Variants in PDE1C observed in about 807,000 individuals in gnomAD.
The protein encoded by PDE1C is phosphodiesterase 1C, also known as dual specificity calcium/calmodulin-dependent 3',5'-cyclic nucleotide phosphodiesterase 1C.
Under a neutral mutation model 93.1 loss-of-function variants are expected in PDE1C, and 62 were observed. The ratio of observed to expected loss-of-function variants is 0.67; its 90% CI spans 0.54 to 0.82. PDE1C has a LOEUF of 0.82. PDE1C is among the 40% of genes least tolerant of loss of function. The pLI, the probability that PDE1C is intolerant of heterozygous loss-of-function variation, is 0.00. For synonymous variants in PDE1C, 325 were observed against 310.1 expected, an observed-to-expected ratio of 1.05 and a Z score of -0.50; for missense variants, 742 against 884.6, an observed-to-expected ratio of 0.84 and a Z score of 2.04.
intron 6 of PDE1C, among the ~76,000 whole-genome samples, chr7:31,871,106 A>C (rs1795895040): frequency 6.6e-6 from 1 of 151,896 alleles, no homozygotes; most frequent in Non-Finnish European, 1.5e-5. Flanking sequence ...ATTTTTGACA[A>C]AGGCACCAAA....
chr7:31,865,703 A>G (rs1238344372), intron 6 of PDE1C, among the ~76,000 whole-genome samples: 1 of 152,238 alleles, frequency 6.6e-6, no homozygotes, highest in Admixed American at 6.5e-5. Context: ...TATATAACAG[A>G]CTATCGCATT....
chr7:32,027,475 G>A (rs1789596030), intron 2 of PDE1C, among the ~76,000 whole-genome samples: 1 of 151,222 alleles, frequency 6.6e-6, no homozygotes, highest in African/African-American at 2.4e-5. Flanking sequence ...TAGATACCAA[G>A]TTATAGCATT....
At chr7:32,317,908 T>G (rs529249688) in intron 1 of PDE1C, among the ~76,000 whole-genome samples, 6 of 152,258 alleles carry the variant, frequency 3.9e-5, no homozygotes, top group African/African-American at 1.4e-4. Context: ...TTTTTGCCCT[T>G]TATTCATTTT....
At chr7:31,977,974 G>A (rs1213358845) in intron 2 of PDE1C, among the ~76,000 whole-genome samples, 2 of 152,094 alleles carry the variant, frequency 1.3e-5, no homozygotes, top group Non-Finnish European at 2.9e-5. Flanking sequence ...AGAACTCAAT[G>A]AGGTAGAACT....
intron 2 of PDE1C, among the ~76,000 whole-genome samples, chr7:31,926,792 G>A (rs139600054): frequency 1.2e-3 from 185 of 151,552 alleles, no homozygotes; most frequent in African/African-American, 4.3e-3. Flanking sequence ...CTTTTGCAAC[G>A]GCAGACCAGG....
intron 1 of PDE1C, among the ~76,000 whole-genome samples, chr7:32,056,311 G>A (rs1794062545): frequency 8.0e-6 from 1 of 124,664 alleles, no homozygotes; most frequent in Non-Finnish European, 1.6e-5. Flanking sequence ...CCCTGGAATG[G>A]GTCCACCGTT....
At chr7:31,833,052 G>T (rs7793287) in intron 11 of PDE1C, among the ~76,000 whole-genome samples, 108,771 of 152,010 alleles carry the variant, frequency 0.72, 39,142 homozygotes, top group East Asian at 0.76. Flanking sequence ...AAGGGAGCCC[G>T]TGGGAGATAA....
chr7:31,744,622 A>G, the PDE1C span, among the ~76,000 whole-genome samples: 1 of 152,222 alleles, frequency 6.6e-6, no homozygotes, highest in African/African-American at 2.4e-5. Flanking sequence ...TCTCATTTCT[A>G]GAAATGATCA....
At chr7:31,772,000 A>G (rs945327732) in intron 17 of PDE1C, among the ~76,000 whole-genome samples, 2 of 149,956 alleles carry the variant, frequency 1.3e-5, no homozygotes, top group South Asian at 2.1e-4. Flanking sequence ...GAGCCGAGAT[A>G]GCGCCACTGC....
chr7:31,763,336 T>G (rs1283993846), intron 17 of PDE1C, among the ~76,000 whole-genome samples: 2 of 152,102 alleles, frequency 1.3e-5, no homozygotes, highest in Non-Finnish European at 2.9e-5. Flanking sequence ...TTAGATGTAG[T>G]GTTGTCTAAG....
intron 3 of PDE1C, among the ~76,000 whole-genome samples, chr7:32,084,129 T>C (rs1319908487): frequency 6.6e-6 from 1 of 152,024 alleles, no homozygotes; most frequent in Admixed American, 6.5e-5. Flanking sequence ...GAGACACACA[T>C]AGGCTCAAGA....
intron 1 of PDE1C, among the ~76,000 whole-genome samples, chr7:32,313,296 A>C (rs1477961574): frequency 6.6e-6 from 1 of 151,440 alleles, no homozygotes; most frequent in Non-Finnish European, 1.5e-5. Context: ...ACACTTTTAC[A>C]CTGTTGGTGG....
chr7:32,220,350 G>A (rs1052900143), intron 1 of PDE1C, among the ~76,000 whole-genome samples: 4 of 152,212 alleles, frequency 2.6e-5, no homozygotes, highest in African/African-American at 9.6e-5. Flanking sequence ...ACTGTTCCAG[G>A]AGGTAAGTAG....
intron 9 of PDE1C, among the ~76,000 whole-genome samples, chr7:31,846,836 G>A (rs1792689584): frequency 1.3e-5 from 2 of 152,092 alleles, no homozygotes; most frequent in African/African-American, 4.8e-5. Flanking sequence ...TGCTGGCTGA[G>A]TCTAGCATAT....
chr7:32,099,927 G>GC (rs757663086), intron 3 of PDE1C, among the ~76,000 whole-genome samples: 2 of 151,922 alleles, frequency 1.3e-5, no homozygotes, highest in Non-Finnish European at 2.9e-5. Flanking sequence ...ACTTTCCCAT[G>GC]CCCCCACCCC....
chr7:32,266,275 C>A lies in PDE1C; in HGVS notation c.85+32376G>T, dbSNP rs900885984. Among the ~76,000 whole-genome samples the A allele has an allele frequency of 2.0e-5, 3 of 151,732 alleles. No homozygotes were observed. In the East Asian group the frequency reaches 5.8e-4, roughly 29 times the overall value. On this transcript the variant is annotated intron_variant, in intron 1 of 18. Transcript: ENST00000396193. The stretch of plus-strand genomic sequence containing the variant: ...CCAGCCTGGGCGACAGAGCAAGACT[C>A]CGTCTCAAAAAAAAAAGAAAAGAAA...
chr7:32,367,343 G>T (rs1050973841), intron 1 of PDE1C, among the ~76,000 whole-genome samples: 4 of 152,064 alleles, frequency 2.6e-5, no homozygotes, highest in African/African-American at 9.7e-5. Context: ...AACAGAAGAA[G>T]TAAGAAACAA....
chr7:32,117,064 C>T (rs1256926362), intron 3 of PDE1C, among the ~76,000 whole-genome samples: 1 of 152,100 alleles, frequency 6.6e-6, no homozygotes, highest in Non-Finnish European at 1.5e-5. Context: ...TAAATAGATG[C>T]AAAAGGCAGA....
intron 3 of PDE1C, among the ~76,000 whole-genome samples, chr7:32,136,101 T>C (rs573952458): frequency 6.6e-6 from 1 of 152,300 alleles, no homozygotes; most frequent in East Asian, 1.9e-4. Context: ...GAATTGTGGT[T>C]ACCAGGAGGT....
Sources: gnomAD v4.1 joint callset for allele counts (sites outside exome capture counted in the v4.1 genomes callset) on GRCh38, gnomAD v4.1.1 for gene constraint, MANE v1.5 for transcripts, NCBI Gene and HGNC (gene_info 2026-07-23, HGNC 2026-07-21) for gene names.